The following BICD1 variants were observed in gnomAD, a reference collection of about 807,000 sequenced individuals.
BICD1 encodes protein bicaudal D homolog 1.
Under a neutral mutation model 92.5 loss-of-function variants are expected in BICD1, and 35 were observed. The ratio of observed to expected loss-of-function variants is 0.38; its 90% CI spans 0.29 to 0.50. The LOEUF (loss-of-function observed/expected upper bound fraction) is 0.50, where lower values mean the gene tolerates loss of function less well. BICD1 is among the 20% of genes least tolerant of loss of function. The pLI is 0.93. For missense variants in BICD1, 950 were observed against 1,189.8 expected (o/e 0.80, Z 2.97); for synonymous variants, 429 against 465.1 (o/e 0.92, Z 1.00).
chr12:32,139,641 C>T (rs1264161657), intron 1 of BICD1, among the ~76,000 whole-genome samples: 1 of 152,214 alleles, frequency 6.6e-6, no homozygotes, highest in Non-Finnish European at 1.5e-5. Context: ...CGGCTCACTG[C>T]AACCTCCTCT....
chr12:32,206,806 A>G (rs1193874825), intron 1 of BICD1, among the ~76,000 whole-genome samples: 1 of 152,212 alleles, frequency 6.6e-6, no homozygotes, highest in Non-Finnish European at 1.5e-5. Flanking sequence ...ATAACAATGA[A>G]AACTACATTG....
At chr12:32,263,424 G>C (rs1350273683) in intron 2 of BICD1, among the ~76,000 whole-genome samples, 7 of 151,738 alleles carry the variant, frequency 4.6e-5, no homozygotes, top group Admixed American at 4.6e-4. Flanking sequence ...GTGGGCACCT[G>C]TAATCCCAGC....
intron 8 of BICD1, among the ~76,000 whole-genome samples, chr12:32,365,844 T>C (rs1431218368): frequency 6.6e-6 from 1 of 152,208 alleles, no homozygotes; most frequent in East Asian, 1.9e-4. Flanking sequence ...AAAGGGAATC[T>C]GGAGCTAATC....
At chr12:32,242,845 G>T (rs1329774039) in intron 2 of BICD1, among the ~76,000 whole-genome samples, 4 of 152,058 alleles carry the variant, frequency 2.6e-5, no homozygotes, top group Admixed American at 6.6e-5. Flanking sequence ...ATTTGCCAGG[G>T]TTTAACACTG....
rs773139373 is a variant in BICD1 at position 32,377,632 on chromosome 12, C to T, written c.*5C>T. The T allele has an allele frequency of 6.2e-7, 1 of 1,610,140 alleles. No homozygotes were observed. On this transcript the variant is annotated 3_prime_UTR_variant, in exon 10 of 10. Transcript: ENST00000652176. ...TCCAAGCCTCCTCACCCCTAGTCTT[C>T]ATCTCCTGTGGACGAACATCTGGGG...
chr12:32,163,873 C>T (rs1410604241), intron 1 of BICD1, among the ~76,000 whole-genome samples: 1 of 152,184 alleles, frequency 6.6e-6, no homozygotes, highest in Non-Finnish European at 1.5e-5. Flanking sequence ...CCTGCGTTAT[C>T]ATTTCACATG....
chr12:32,192,560 C>T (rs117204157), intron 1 of BICD1, among the ~76,000 whole-genome samples: 16,101 of 151,698 alleles, frequency 0.11, 1,165 homozygotes, highest in Middle Eastern at 0.23. Flanking sequence ...CACAACATTC[C>T]GTTAAGCCAA....
intron 2 of BICD1, among the ~76,000 whole-genome samples, chr12:32,285,592 T>G (rs1360172105): frequency 6.6e-6 from 1 of 152,206 alleles, no homozygotes; most frequent in Non-Finnish European, 1.5e-5. Context: ...TTTTTAATGT[T>G]AATTAAACTA....
At chr12:32,126,830 G>A (rs946705770) in intron 1 of BICD1, among the ~76,000 whole-genome samples, 1 of 152,110 alleles carries the variant, frequency 6.6e-6, no homozygotes, top group Non-Finnish European at 1.5e-5. Context: ...ACAGGCACCA[G>A]GCACCTTTGG....
intron 1 of BICD1, among the ~76,000 whole-genome samples, chr12:32,115,179 G>A (rs1222779659): frequency 6.6e-6 from 1 of 152,026 alleles, no homozygotes; most frequent in African/African-American, 2.4e-5. Flanking sequence ...CATTTCAAGA[G>A]TTTGCTTTTT....
chr12:32,372,352 C>A (rs1939772253), intron 9 of BICD1, among the ~76,000 whole-genome samples: 1 of 152,064 alleles, frequency 6.6e-6, no homozygotes, highest in South Asian at 2.1e-4. Context: ...TGGTGGCAGG[C>A]ACCTGTAATC....
At chr12:32,336,497 TGA>T (rs1203937342) in intron 6 of BICD1, among the ~76,000 whole-genome samples, 1 of 152,222 alleles carries the variant, frequency 6.6e-6, no homozygotes, top group Non-Finnish European at 1.5e-5. Context: ...GAGAAATCAT[TGA>T]AAATACTCAG....
intron 1 of BICD1, among the ~76,000 whole-genome samples, chr12:32,122,209 G>A (rs1416463091): frequency 3.3e-5 from 5 of 152,100 alleles, no homozygotes; most frequent in Non-Finnish European, 5.9e-5. Context: ...CACTTTGGGA[G>A]GCCGAGGTGG....
In BICD1 at chr12:32,174,609, T is replaced by G. The variant is rs187106497; in HGVS notation, c.214-41638T>G. ...AAACTATCTTGCCCTATGAAATGAG[T>G]TGCTATCTCTTGTCTATATTCACAT... On this transcript the variant is annotated intron_variant, in intron 1 of 9. Coordinates refer to ENST00000652176, the MANE Select transcript of BICD1 (RefSeq NM_001714.4). 3.7e-3 allele frequency among the ~76,000 whole-genome samples: 570 copies of G among 152,332 alleles called. 8 individuals are homozygous for G. The highest frequency in any genetic ancestry group is 3.2e-3 in the Non-Finnish European group (218 of 68,030).
At chr12:32,146,018 G>A (rs1943088584) in intron 1 of BICD1, among the ~76,000 whole-genome samples, 1 of 152,180 alleles carries the variant, frequency 6.6e-6, no homozygotes. Flanking sequence ...ATAGAACTTA[G>A]AGTTGAGTGG....
chr12:32,275,058 A>G (rs1947240585), intron 2 of BICD1, among the ~76,000 whole-genome samples: 1 of 152,160 alleles, frequency 6.6e-6, no homozygotes, highest in African/African-American at 2.4e-5. Context: ...GCCATATGAG[A>G]TACACATTCT....
At chr12:32,176,727 A>T (rs189439225) in intron 1 of BICD1, among the ~76,000 whole-genome samples, 1 of 152,200 alleles carries the variant, frequency 6.6e-6, no homozygotes, top group Non-Finnish European at 1.5e-5. Flanking sequence ...CATCAGTGTT[A>T]TTGTGTTTAT....
At chr12:32,269,687 T>C (rs261870) in intron 2 of BICD1, among the ~76,000 whole-genome samples, 95,597 of 151,978 alleles carry the variant, frequency 0.63, 30,318 homozygotes, top group African/African-American at 0.7. Flanking sequence ...ATAAACCTGA[T>C]GGCTGAGACA....
In BICD1 at chr12:32,377,887, A is replaced by G. The variant is rs1241004979; in HGVS notation, c.*260A>G. On this transcript the variant is annotated 3_prime_UTR_variant, in exon 10 of 10. Transcript: ENST00000652176. ...CAGTTCATTTAAATTTAAAAAAAAG[A>G]AAAAAGAAACAGAAAACGTGTCTCA... The G allele has an allele frequency of 2.7e-6, 1 of 369,358 alleles. No individual in the cohort carries two copies. The highest frequency in any genetic ancestry group is 4.9e-6 in the Non-Finnish European group (1 of 202,110). 22.9% of individuals were successfully genotyped at this position (369,358 alleles called of 1,614,324 possible).
Sources: allele counts gnomAD v4.1 joint callset (sites outside exome capture counted in the v4.1 genomes callset), GRCh38; gene constraint gnomAD v4.1.1; transcripts MANE v1.5; gene names NCBI Gene and HGNC (gene_info 2026-07-23, HGNC 2026-07-21).